Variants in PDGFD observed in about 807,000 individuals in gnomAD.
The protein encoded by PDGFD is platelet derived growth factor D.
PDGFD carries 30 observed loss-of-function variants against 44.7 expected under a neutral mutation model. That is an observed-to-expected ratio of 0.67 (90% confidence interval 0.50 to 0.91). The LOEUF is 0.91. PDGFD is among the 40% of genes least tolerant of loss of function. The pLI, the probability that PDGFD is intolerant of heterozygous loss-of-function variation, is 0.00. For missense variants in PDGFD, 445 were observed against 457.8 expected, an observed-to-expected ratio of 0.97 and a Z score of 0.25; for synonymous variants, 173 against 168.4, an observed-to-expected ratio of 1.03 and a Z score of -0.21.
chr11:104,129,262 T>C (rs1394581722), intron 1 of PDGFD, among the ~76,000 whole-genome samples: 1 of 152,160 alleles, frequency 6.6e-6, no homozygotes, highest in East Asian at 1.9e-4. Flanking sequence ...CAACCTTTTT[T>C]ATCTTTGCAG....
At chr11:104,102,558 C>A (rs907048948) in intron 1 of PDGFD, among the ~76,000 whole-genome samples, 3 of 152,116 alleles carry the variant, frequency 2.0e-5, no homozygotes, top group African/African-American at 7.2e-5. Context: ...TACCATTTGA[C>A]CCAGCCATTC....
At chr11:104,045,571 T>C (rs1238926709) in intron 1 of PDGFD, among the ~76,000 whole-genome samples, 1 of 152,008 alleles carries the variant, frequency 6.6e-6, no homozygotes, top group Non-Finnish European at 1.5e-5. Flanking sequence ...TGGGTTATCC[T>C]GGAAAAGCAT....
intron 1 of PDGFD, among the ~76,000 whole-genome samples, chr11:104,147,660 T>C (rs757574792): frequency 2.6e-5 from 4 of 152,166 alleles, no homozygotes; most frequent in Non-Finnish European, 5.9e-5. Context: ...AAATATATGC[T>C]GTCCAATGGC....
chr11:103,943,558 A>G lies in PDGFD; in HGVS notation c.666T>C (p.Asp222=). ...ACTCTGGATTGAAGTACTTGAGCAGATCTTCCACTGTATCAAATTCTGCAA... is the reference window on the plus strand; with the variant it reads ...ACTCTGGATTGAAGTACTTGAGCAGGTCTTCCACTGTATCAAATTCTGCAA... ...KKIAEFDTVE[D]LLKYFNPESW... The change falls in exon 5 of 7, where the codon GAT becomes GAC. Residue 222 remains aspartate (D), a synonymous_variant. Transcript: ENST00000393158. The G allele has an allele frequency of 6.2e-7, 1 of 1,613,388 alleles. No individual in the cohort carries two copies. The highest frequency in any genetic ancestry group is 8.5e-7 in the Non-Finnish European group (1 of 1,179,602).
chr11:104,067,709 A>G (rs909754169), intron 1 of PDGFD, among the ~76,000 whole-genome samples: 12 of 152,168 alleles, frequency 7.9e-5, no homozygotes, highest in African/African-American at 2.9e-4. Context: ...ATTTGGGAAG[A>G]TAAATGGCAT....
At chr11:104,048,341 C>T (rs982891589) in intron 1 of PDGFD, among the ~76,000 whole-genome samples, 5 of 151,702 alleles carry the variant, frequency 3.3e-5, no homozygotes, top group East Asian at 1.9e-4. Flanking sequence ...CTAGATAGAG[C>T]GAAACATTCA....
At chr11:104,109,063 A>AG (rs549672699) in intron 1 of PDGFD, among the ~76,000 whole-genome samples, 1 of 98,554 alleles carries the variant, frequency 1.0e-5, no homozygotes, top group South Asian at 4.0e-4. Flanking sequence ...GGGTGGAGGG[A>AG]GGGGGGAGGG....
At chr11:104,104,525 C>T (rs1230991071) in intron 1 of PDGFD, among the ~76,000 whole-genome samples, 2 of 152,044 alleles carry the variant, frequency 1.3e-5, no homozygotes, top group East Asian at 3.9e-4. Context: ...TGTTTAGATA[C>T]ACAAATACAT....
At chr11:103,975,472 C>T (rs1385417678) in intron 3 of PDGFD, among the ~76,000 whole-genome samples, 2 of 152,104 alleles carry the variant, frequency 1.3e-5, no homozygotes, top group South Asian at 4.1e-4. Context: ...GTTTCTTTTG[C>T]TGTGCAGAAG....
rs1225236320 is a variant in PDGFD, at chr11:104,163,992, C to T, written c.-65G>A. ...AGCCGGGTTCTGCTCCCGGGACCGA[C>T]GCCGCGCCGCCCTGCGCTCTCGCCG... On this transcript the variant is annotated 5_prime_UTR_variant, in exon 1 of 7. Transcript: ENST00000393158. 4 of 1,459,398 alleles carry T rather than the reference C, an allele frequency of 2.7e-6. No individual in the cohort carries two copies. The African/African-American group carries it at 4.2e-5, about 15-fold the overall frequency. 90.4% of individuals were successfully genotyped at this position (1,459,398 alleles called of 1,614,324 possible).
chr11:103,947,659 T>C lies in PDGFD; in HGVS notation c.573+3A>G. ...GCTGGCAACAGAGTAATAAATTACT[T>C]ACTGAAATAGAGCTTGTGACAGATT... On this transcript the variant is annotated splice_donor_region_variant and intron_variant, in intron 4 of 6. Coordinates refer to ENST00000393158, the MANE Select transcript of PDGFD (RefSeq NM_025208.5). The C allele has an allele frequency of 6.2e-7, 1 of 1,612,058 alleles. No individual in the cohort carries two copies. Among genetic ancestry groups the C allele is most frequent in the Non-Finnish European group, 8.5e-7 (1 of 1,178,264 alleles).
At chr11:104,133,150 A>T (rs1435576563) in intron 1 of PDGFD, among the ~76,000 whole-genome samples, 2 of 152,118 alleles carry the variant, frequency 1.3e-5, no homozygotes, top group African/African-American at 4.8e-5. Context: ...GGTAAGTAGC[A>T]CAGTACTTTG....
intron 1 of PDGFD, among the ~76,000 whole-genome samples, chr11:104,118,823 TATA>T (rs1565340173): frequency 1.8e-3 from 74 of 41,932 alleles, no homozygotes; most frequent in South Asian, 4.0e-3. Context: ...TATTATATAT[TATA>T]AATATTAATA....
intron 1 of PDGFD, among the ~76,000 whole-genome samples, chr11:104,048,216 G>A (rs1163066554): frequency 6.6e-6 from 1 of 151,838 alleles, no homozygotes; most frequent in Non-Finnish European, 1.5e-5. Flanking sequence ...CATTTTGAGG[G>A]TGACATACTG....
chr11:104,099,649 A>AATAATT (rs1861341134), intron 1 of PDGFD, among the ~76,000 whole-genome samples: 1 of 146,290 alleles, frequency 6.8e-6, no homozygotes, highest in Non-Finnish European at 1.5e-5. Flanking sequence ...TAATAATAAT[A>AATAATT]ATAATAATAA....
rs561266378 is a variant in PDGFD, at chr11:104,069,178, G to A, written c.125-68923C>T. Among the ~76,000 whole-genome samples, 14 of 152,194 alleles carry A rather than the reference G, an allele frequency of 9.2e-5. No individual in the cohort carries two copies. In the South Asian group the frequency reaches 1.2e-3, roughly 14 times the overall value. Reference sequence around the variant, plus strand: ...GCGTTTCTGAGTCTTTCTCTTTCACGACACGGACACCTTTGAAGAGCACAG... The same window carrying A: ...GCGTTTCTGAGTCTTTCTCTTTCACAACACGGACACCTTTGAAGAGCACAG... On this transcript the variant is annotated intron_variant, in intron 1 of 6. Transcript: ENST00000393158.
chr11:103,999,943 T>A (rs1859595263), intron 2 of PDGFD, 108 bp downstream of exon 2: 1 of 927,986 alleles, frequency 1.1e-6, no homozygotes. Context: ...CGACACATGT[T>A]GGGTCCATTT....
intron 1 of PDGFD, among the ~76,000 whole-genome samples, chr11:104,006,015 G>A (rs1284585464): frequency 2.0e-5 from 3 of 152,168 alleles, no homozygotes; most frequent in Non-Finnish European, 2.9e-5. Context: ...AAGCCAAAAT[G>A]TTATATAATT....
chr11:103,921,371 A>T (rs1003248221), intron 6 of PDGFD, among the ~76,000 whole-genome samples: 2 of 152,184 alleles, frequency 1.3e-5, no homozygotes, highest in Non-Finnish European at 2.9e-5. Flanking sequence ...CTCAATTTGA[A>T]AATTTAGGTA....
Sources: allele counts gnomAD v4.1 joint callset (sites outside exome capture counted in the v4.1 genomes callset), GRCh38; gene constraint gnomAD v4.1.1; transcripts MANE v1.5; gene names NCBI Gene and HGNC (gene_info 2026-07-23, HGNC 2026-07-21).